Variants in STRBP observed in about 807,000 individuals in gnomAD.
The protein encoded by STRBP is spermatid perinuclear RNA binding protein.
In STRBP, 13 loss-of-function variants were observed where a neutral mutation model predicts 80.1. That is an observed-to-expected ratio of 0.16 (90% CI 0.11 to 0.26). STRBP has a LOEUF of 0.26. Ranked by LOEUF, STRBP falls within the 10% of genes least tolerant of loss-of-function variation. STRBP has a pLI of 1.00. For missense variants in STRBP, 485 were observed against 815.2 expected (o/e 0.59, Z 4.93); for synonymous variants, 284 against 291.2 (o/e 0.98, Z 0.25).
chr9:123,172,452 T>C (rs986268238), intron 5 of STRBP, among the ~76,000 whole-genome samples: 1 of 152,236 alleles, frequency 6.6e-6, no homozygotes, highest in Non-Finnish European at 1.5e-5. Context: ...TAAAGCTATG[T>C]TCCACTCTCC....
chr9:123,251,324 T>C (rs2040912316), intron 1 of STRBP, among the ~76,000 whole-genome samples: 1 of 152,184 alleles, frequency 6.6e-6, no homozygotes, highest in Non-Finnish European at 1.5e-5. Flanking sequence ...CTCTGTGCTA[T>C]ACTTACATTA....
In STRBP at chr9:123,136,337, T is replaced by C. The variant is rs368692381; in HGVS notation, c.1632+44A>G. 2.5e-6 allele frequency: 4 copies of C among 1,610,128 alleles called. No individual in the cohort carries two copies. The African/African-American group carries it at 4.0e-5, about 16-fold the overall frequency. ...TACATTAAGTTCAGGATATCCTATG[T>C]CTTTGAGAAGAAAGATAAGGCTGGC... On this transcript the variant is annotated intron_variant, in intron 15 of 18. Coordinates refer to ENST00000348403, the MANE Select transcript of STRBP (RefSeq NM_018387.5). The surrounding 1 kb of genome is among the most constrained non-coding windows in gnomAD (Gnocchi z 4.2).
At chr9:123,253,404 T>C (rs929528406) in intron 1 of STRBP, among the ~76,000 whole-genome samples, 3 of 152,228 alleles carry the variant, frequency 2.0e-5, no homozygotes, top group Admixed American at 6.5e-5. Flanking sequence ...CCCCTTCCCT[T>C]ACACACTGTA....
At position 123,247,601 on chromosome 9, in the gene STRBP, A is replaced by G. The variant is rs1383075392; in HGVS notation, c.-301-10635T>C. 2.0e-5 allele frequency among the ~76,000 whole-genome samples: 3 copies of G among 152,322 alleles called. No homozygotes were observed. In the East Asian group the frequency reaches 5.8e-4, roughly 29 times the overall value. On this transcript the variant is annotated intron_variant, in intron 1 of 18. Coordinates refer to ENST00000348403, the MANE Select transcript of STRBP (RefSeq NM_018387.5). ...TGTACTTTTAACTAGTAAGCACCCT[A>G]GGCAACTGATTAGTCCAGGCCTCAG...
intron 2 of STRBP, among the ~76,000 whole-genome samples, chr9:123,203,953 C>A (rs963637650): frequency 6.6e-6 from 1 of 151,658 alleles, no homozygotes; most frequent in African/African-American, 2.4e-5. Flanking sequence ...GCCTGGGCAA[C>A]AGAGCAAGAC....
At position 123,124,133 on chromosome 9, in the gene STRBP, T is replaced by C; in HGVS notation, c.*1464A>G. 3.0e-6 allele frequency: 3 copies of C among 985,466 alleles called. No homozygotes were observed. Among genetic ancestry groups the C allele is most frequent in the Non-Finnish European group, 3.6e-6 (3 of 829,942 alleles). 61.0% of individuals were successfully genotyped at this position (985,466 alleles called of 1,614,324 possible). On this transcript the variant is annotated 3_prime_UTR_variant, in exon 19 of 19. Transcript: ENST00000348403. ...TTTATTTAGTGGTCCCGAAGGAATT[T>C]GGTACATACATTTGCCATATTTTGT... is the stretch of plus-strand genomic sequence containing the variant.
chr9:123,199,439 G>A (rs1176644667), intron 2 of STRBP, among the ~76,000 whole-genome samples: 1 of 152,162 alleles, frequency 6.6e-6, no homozygotes, highest in African/African-American at 2.4e-5. Context: ...ATTTTGATGG[G>A]AAGTGCATTG....
chr9:123,218,153 C>T (rs571502891), intron 2 of STRBP, among the ~76,000 whole-genome samples: 42 of 152,160 alleles, frequency 2.8e-4, no homozygotes, highest in Non-Finnish European at 4.9e-4. Flanking sequence ...ACAGATTTAA[C>T]TAATATTACC....
At chr9:123,169,772 G>T in intron 6 of STRBP, 130 bp downstream of exon 6, 1 of 496,000 alleles carries the variant, frequency 2.0e-6, no homozygotes, top group Non-Finnish European at 2.9e-6. Flanking sequence ...CTATTAAATA[G>T]AGTGGCATAA....
chr9:123,169,821 T>C, intron 6 of STRBP, 81 bp downstream of exon 6: 1 of 855,278 alleles, frequency 1.2e-6, no homozygotes, highest in Non-Finnish European at 1.5e-6. Flanking sequence ...CCATAAAACA[T>C]TGTTAACATA....
intron 1 of STRBP, among the ~76,000 whole-genome samples, chr9:123,239,854 A>G (rs1465745547): frequency 6.6e-6 from 1 of 152,240 alleles, no homozygotes; most frequent in Admixed American, 6.5e-5. Context: ...CTACATTACT[A>G]TTATTGTTGA....
intron 1 of STRBP, among the ~76,000 whole-genome samples, chr9:123,240,520 C>G (rs1391785496): frequency 6.6e-6 from 1 of 152,208 alleles, no homozygotes; most frequent in Non-Finnish European, 1.5e-5. Flanking sequence ...TATCTTTCAA[C>G]AGGATTGATA....
chr9:123,114,740 A>G (rs1482634436), intron 3 of STRBP: 1 of 194,846 alleles, frequency 5.1e-6, no homozygotes, highest in Admixed American at 5.8e-5. Flanking sequence ...CAGAAACACC[A>G]TTGTTCCCTC....
chr9:123,136,896 T>C lies in STRBP; in HGVS notation c.1498-381A>G, dbSNP rs1460288322. On this transcript the variant is annotated intron_variant, in intron 14 of 18. Coordinates refer to ENST00000348403, the MANE Select transcript of STRBP (RefSeq NM_018387.5). The surrounding 1 kb of genome is among the most constrained non-coding windows in gnomAD (Gnocchi z 4.2). ...GCCTAAGGGTTCATCATTTTTCTTC[T>C]TTAGGGTTAGGAAGAAATAACTCTC... Among the ~76,000 whole-genome samples the C allele has an allele frequency of 6.6e-6, 1 of 152,178 alleles. No homozygotes were observed. The highest frequency in any genetic ancestry group is 1.5e-5 in the Non-Finnish European group (1 of 68,038).
At chr9:123,253,121 C>T (rs1315902265) in intron 1 of STRBP, among the ~76,000 whole-genome samples, 1 of 152,114 alleles carries the variant, frequency 6.6e-6, no homozygotes, top group Non-Finnish European at 1.5e-5. Flanking sequence ...AGTTCCAATA[C>T]TGCTCAGACT....
At chr9:123,267,573 C>A (rs1265025335) in intron 1 of STRBP, among the ~76,000 whole-genome samples, 1 of 151,908 alleles carries the variant, frequency 6.6e-6, no homozygotes, top group Non-Finnish European at 1.5e-5. Flanking sequence ...TCTCCTGGAG[C>A]CCCTGGGCCT....
intron 1 of STRBP, among the ~76,000 whole-genome samples, chr9:123,247,141 C>T (rs530408142): frequency 6.6e-6 from 1 of 152,274 alleles, no homozygotes; most frequent in South Asian, 2.1e-4. Context: ...CTACCCAATG[C>T]CCCCCTCAAA....
chr9:123,216,319 TA>T (rs2132545085), intron 2 of STRBP, among the ~76,000 whole-genome samples: 1 of 152,340 alleles, frequency 6.6e-6, no homozygotes, highest in Non-Finnish European at 1.5e-5. Flanking sequence ...TGTATACCCC[TA>T]GTATATATCA....
intron 1 of STRBP, among the ~76,000 whole-genome samples, chr9:123,264,452 G>A (rs1209842966): frequency 6.6e-6 from 1 of 152,158 alleles, no homozygotes; most frequent in Non-Finnish European, 1.5e-5. Flanking sequence ...TCCACCTAAT[G>A]GTAAATTACG....
Sources: gnomAD v4.1 joint callset for allele counts (sites outside exome capture counted in the v4.1 genomes callset) on GRCh38, gnomAD v4.1.1 for gene constraint, Gnocchi (gnomAD v3.1) non-coding constraint, MANE v1.5 for transcripts, NCBI Gene and HGNC (gene_info 2026-07-23, HGNC 2026-07-21) for gene names.